Variants in RLN2 observed in about 807,000 individuals in gnomAD.
RLN2 encodes relaxin 2.
A neutral mutation model predicts 7.3 loss-of-function variants in RLN2; 10 were observed. The observed-to-expected ratio is 1.36, with a 90% CI of 0.84 to 2.31. RLN2 has a LOEUF of 2.31. Among genes scored for constraint, RLN2 ranks in the 30% most tolerant of loss-of-function variants. The pLI is 0.00. For missense variants in RLN2, 298 were observed against 217.6 expected (o/e 1.37, Z -2.32); for synonymous variants, 103 against 82.3 (o/e 1.25, Z -1.36).
the RLN2 span, among the ~76,000 whole-genome samples, chr9:5,336,360 G>A: frequency 6.6e-6 from 1 of 152,146 alleles, no homozygotes; most frequent in African/African-American, 2.4e-5. Context: ...TGCAGATCAT[G>A]CACTATGCAA....
At chr9:5,330,735 G>T in the RLN2 span, among the ~76,000 whole-genome samples, 11 of 127,340 alleles carry the variant, frequency 8.6e-5, no homozygotes, top group Non-Finnish European at 1.8e-4. Context: ...AAATAACTAA[G>T]ATCAGAGCAG....
At chr9:5,300,466 G>T in intron 1 of RLN2, 22 bp from the exon 2 acceptor site, 1 of 1,523,298 alleles carries the variant, frequency 6.6e-7, no homozygotes, top group Non-Finnish European at 9.0e-7. Context: ...AAAAAAAAAG[G>T]TGTATGTGAG....
At chr9:5,314,962 C>G in the RLN2 span, among the ~76,000 whole-genome samples, 1 of 151,614 alleles carries the variant, frequency 6.6e-6, no homozygotes, top group Non-Finnish European at 1.5e-5. Flanking sequence ...CTATGCCATG[C>G]CTTCCAGAGT....
At chr9:5,313,695 G>T in the RLN2 span, among the ~76,000 whole-genome samples, 1 of 106,994 alleles carries the variant, frequency 9.3e-6, no homozygotes, top group African/African-American at 5.4e-5. Context: ...TTTGGTGAGA[G>T]CATTTGAAAT....
the RLN2 span, among the ~76,000 whole-genome samples, chr9:5,322,505 G>T: frequency 6.6e-6 from 1 of 152,098 alleles, no homozygotes; most frequent in Admixed American, 6.6e-5. Context: ...AAGGAAAACA[G>T]AGAAGCAAGC....
At chr9:5,326,314 G>C in the RLN2 span, among the ~76,000 whole-genome samples, 3 of 152,072 alleles carry the variant, frequency 2.0e-5, no homozygotes, top group African/African-American at 7.2e-5. Context: ...AACTCTTTTA[G>C]GCTAGAAGGG....
the RLN2 span, among the ~76,000 whole-genome samples, chr9:5,323,013 G>A: frequency 6.6e-6 from 1 of 151,582 alleles, no homozygotes. Context: ...ATTAGTAAAT[G>A]TATCTATCTT....
chr9:5,335,827 CG>C, the RLN2 span, among the ~76,000 whole-genome samples: 1 of 151,996 alleles, frequency 6.6e-6, no homozygotes, highest in Non-Finnish European at 1.5e-5. Context: ...GGTCCTCTCT[CG>C]TCTCTCTTCA....
Position 5,301,271 on chromosome 9 carries a change from A to G in RLN2, c.212-827T>C, listed in dbSNP as rs150789772. 2.4e-3 allele frequency among the ~76,000 whole-genome samples: 369 copies of G among 152,306 alleles called. 1 individual carries two copies. The highest frequency in any genetic ancestry group is 8.6e-3 in the African/African-American group (356 of 41,574). On this transcript the variant is annotated intron_variant, in intron 1 of 1. Coordinates refer to ENST00000381627, the MANE Select transcript of RLN2 (RefSeq NM_134441.3). ...TTACACAGCATCCCAGGCTGGCCAA[A>G]TGTGAAGGCTGGGACTTGGGCTGGG... is the stretch of plus-strand genomic sequence containing the variant.
At chr9:5,322,550 A>C in the RLN2 span, among the ~76,000 whole-genome samples, 4 of 152,158 alleles carry the variant, frequency 2.6e-5, no homozygotes, top group African/African-American at 9.6e-5. Flanking sequence ...AAGTGCTTTG[A>C]ATCTCCTTGG....
the RLN2 span, among the ~76,000 whole-genome samples, chr9:5,321,600 A>G: frequency 9.5e-4 from 145 of 151,944 alleles, 1 homozygote; most frequent in African/African-American, 3.3e-3. Flanking sequence ...GCAGGAAGGA[A>G]GGAGGGATGG....
chr9:5,311,774 T>C, the RLN2 span: 2 of 771,110 alleles, frequency 2.6e-6, no homozygotes, highest in Non-Finnish European at 4.4e-6. Flanking sequence ...TGAAATATGA[T>C]TTTTTTATCA....
chr9:5,327,651 T>C, the RLN2 span, among the ~76,000 whole-genome samples: 1 of 151,852 alleles, frequency 6.6e-6, no homozygotes, highest in Non-Finnish European at 1.5e-5. Context: ...CACCTCCCAG[T>C]AGGGGCTGAC....
chr9:5,302,106 C>T (rs1469196318), intron 1 of RLN2, among the ~76,000 whole-genome samples: 4 of 152,154 alleles, frequency 2.6e-5, no homozygotes, highest in Non-Finnish European at 5.9e-5. Flanking sequence ...TTAAATGAGT[C>T]AGCCAAAACA....
At chr9:5,307,789 C>T (rs1816281422), upstream of RLN2, among the ~76,000 whole-genome samples, 2 of 152,024 alleles carry the variant, frequency 1.3e-5, no homozygotes, top group Non-Finnish European at 2.9e-5. Context: ...TATTGAATTC[C>T]TTTGCTTGTG....
the RLN2 span, among the ~76,000 whole-genome samples, chr9:5,321,105 C>T: frequency 6.6e-6 from 1 of 152,086 alleles, no homozygotes; most frequent in Non-Finnish European, 1.5e-5. Flanking sequence ...TTTTGAAAAT[C>T]ACAGTTTTAA....
At chr9:5,307,268 AGAG>A (rs201859178), upstream of RLN2, among the ~76,000 whole-genome samples, 46,933 of 120,962 alleles carry the variant, frequency 0.39, 7,860 homozygotes, top group East Asian at 0.52. Context: ...ATAGATAGAT[AGAG>A]GATAGATAGA....
upstream of RLN2, among the ~76,000 whole-genome samples, chr9:5,305,957 G>A (rs939410307): frequency 3.3e-5 from 5 of 151,924 alleles, no homozygotes; most frequent in Admixed American, 6.6e-5. Context: ...ATTAAAACAC[G>A]CAGTTTGAGA....
chr9:5,329,326 A>G, the RLN2 span, among the ~76,000 whole-genome samples: 907 of 149,926 alleles, frequency 6.0e-3, 12 homozygotes, highest in African/African-American at 0.021. Flanking sequence ...AAAAAAAAAA[A>G]AAAGAAAAGA....
Sources: gnomAD v4.1 joint callset for allele counts (sites outside exome capture counted in the v4.1 genomes callset) on GRCh38, gnomAD v4.1.1 for gene constraint, MANE v1.5 for transcripts, NCBI Gene and HGNC (gene_info 2026-07-23, HGNC 2026-07-21) for gene names.